The following PLCZ1 variants were observed in gnomAD, a reference collection of about 807,000 sequenced individuals.
PLCZ1 encodes 1-phosphatidylinositol 4,5-bisphosphate phosphodiesterase zeta-1.
In PLCZ1, 64 loss-of-function variants were observed where a neutral mutation model predicts 76.8. The ratio of observed to expected loss-of-function variants is 0.83; its 90% CI spans 0.68 to 1.03. The LOEUF (loss-of-function observed/expected upper bound fraction) is 1.03. PLCZ1 is among the 50% of genes least tolerant of loss of function. PLCZ1 has a pLI of 0.00. For synonymous variants in PLCZ1, 248 were observed against 230.8 expected (o/e 1.07, Z -0.68); for missense variants, 751 against 713.7 (o/e 1.05, Z -0.60).
intron 3 of PLCZ1, among the ~76,000 whole-genome samples, chr12:18,727,030 T>G (rs1422618699): frequency 6.6e-6 from 1 of 152,076 alleles, no homozygotes; most frequent in East Asian, 1.9e-4. Context: ...AAAGTAGGCA[T>G]GGAAGTATAC....
At chr12:18,736,993 C>G (rs775334404) in intron 2 of PLCZ1, among the ~76,000 whole-genome samples, 2 of 151,992 alleles carry the variant, frequency 1.3e-5, no homozygotes, top group Non-Finnish European at 2.9e-5. Context: ...AGATAAACTA[C>G]AAAAACTAGG....
At chr12:18,723,647 A>T in intron 3 of PLCZ1, 105 bp from the exon 4 acceptor site, 1 of 924,304 alleles carries the variant, frequency 1.1e-6, no homozygotes, top group Non-Finnish European at 1.7e-6. Flanking sequence ...TTGAAAGAAG[A>T]TGAAAATTAC....
At chr12:18,670,509 T>G in the PLCZ1 span, among the ~76,000 whole-genome samples, 1 of 152,212 alleles carries the variant, frequency 6.6e-6, no homozygotes, top group Non-Finnish European at 1.5e-5. Flanking sequence ...AACACAGTTC[T>G]TAACCTCTTT....
intron 7 of PLCZ1, among the ~76,000 whole-genome samples, chr12:18,702,494 A>C (rs944425486): frequency 6.6e-6 from 1 of 152,092 alleles, no homozygotes; most frequent in African/African-American, 2.4e-5. Flanking sequence ...TATAAAGTAA[A>C]GTTCTTTTCT....
chr12:18,688,091 T>G lies in PLCZ1; in HGVS notation c.1589A>C (p.Asn530Thr). 6.2e-7 allele frequency: 1 copy of G among 1,600,924 alleles called. No homozygotes were observed. Among genetic ancestry groups the G allele is most frequent in the Non-Finnish European group, 8.5e-7 (1 of 1,172,470 alleles). The change falls in exon 13 of 15, where the codon AAT becomes ACT. Residue 530 changes from asparagine to threonine, a missense_variant and splice_region_variant. Coordinates refer to ENST00000266505, the MANE Select transcript of PLCZ1 (RefSeq NM_033123.4). ...MKQQTRVIKK[N>T]AFSPRWNETF... ...AATAAGGTATATCAGGAGCTCACCA[T>G]TTTTTTTAATTACACGAGTCTGCTG... is the stretch of plus-strand genomic sequence containing the variant.
intron 12 of PLCZ1, among the ~76,000 whole-genome samples, chr12:18,692,064 T>C (rs941031342): frequency 6.6e-6 from 1 of 152,138 alleles, no homozygotes; most frequent in Non-Finnish European, 1.5e-5. Context: ...CCAGGAAAAG[T>C]CGCAGGAGAA....
the PLCZ1 span, among the ~76,000 whole-genome samples, chr12:18,654,678 A>T: frequency 2.0e-5 from 3 of 152,204 alleles, no homozygotes; most frequent in Non-Finnish European, 4.4e-5. Flanking sequence ...ATCAGACAAG[A>T]TGATTCCAGT....
At chr12:18,696,084 T>C (rs1954937701) in intron 11 of PLCZ1, 66 bp downstream of exon 11, 2 of 903,896 alleles carry the variant, frequency 2.2e-6, no homozygotes, top group East Asian at 2.8e-5. Flanking sequence ...GAGTTTTTCA[T>C]ACATTCATAA....
intron 3 of PLCZ1, 116 bp from the exon 4 acceptor site, chr12:18,723,658 A>G (rs1314344073): frequency 6.9e-6 from 6 of 865,474 alleles, no homozygotes; most frequent in Non-Finnish European, 9.1e-6. Flanking sequence ...TGAAAATTAC[A>G]TTGGATTCTT....
chr12:18,669,456 C>G, the PLCZ1 span, among the ~76,000 whole-genome samples: 3 of 152,160 alleles, frequency 2.0e-5, no homozygotes, highest in Non-Finnish European at 4.4e-5. Context: ...CTAAAAGATA[C>G]TGTCTTAATG....
downstream of PLCZ1, among the ~76,000 whole-genome samples, chr12:18,681,132 A>G (rs545982571): frequency 6.6e-6 from 1 of 152,120 alleles, no homozygotes; most frequent in South Asian, 2.1e-4. Context: ...TTTATTGTTC[A>G]ACAAGGAAAC....
At chr12:18,656,833 T>C in the PLCZ1 span, among the ~76,000 whole-genome samples, 1 of 152,136 alleles carries the variant, frequency 6.6e-6, no homozygotes, top group Non-Finnish European at 1.5e-5. Context: ...ACCAATCAAA[T>C]TTTGCAACAA....
rs774977664 is a variant in PLCZ1, at chr12:18,694,901, T to A, written c.1461+9A>T. Reference sequence around the variant, plus strand: ...CCAAAAAATGTAAAAGAAAATTTATTAATCTTACCCTTATTGTAAGTGTAA... The same window carrying A: ...CCAAAAAATGTAAAAGAAAATTTATAAATCTTACCCTTATTGTAAGTGTAA... On this transcript the variant is annotated intron_variant, in intron 12 of 14. Transcript: ENST00000266505. 6.4e-7 allele frequency: 1 copy of A among 1,569,624 alleles called. No homozygotes were observed. Among genetic ancestry groups the A allele is most frequent in the Admixed American group, 1.7e-5 (1 of 58,320 alleles).
chr12:18,647,882 T>A, the PLCZ1 span: 18 of 1,543,002 alleles, frequency 1.2e-5, no homozygotes, highest in Admixed American at 1.9e-4. Flanking sequence ...TTAGGTAGTA[T>A]ATGATGAAGT....
At chr12:18,650,191 C>A in the PLCZ1 span, among the ~76,000 whole-genome samples, 8 of 151,804 alleles carry the variant, frequency 5.3e-5, no homozygotes, top group African/African-American at 1.5e-4. Context: ...TATTAGGGTT[C>A]TTTTCCCCCA....
Position 18,723,498 on chromosome 12 carries a change from A to G in PLCZ1, c.180T>C (p.Phe60=). The part of the protein sequence containing the change: ...LKQGRITIEE[F]RAIYRIITHR... ...GCGTGATAATTCGATAAATTGCTCTAAATTCTTCTATGGTGATTCTTCCTT... is the reference window on the plus strand; with the variant it reads ...GCGTGATAATTCGATAAATTGCTCTGAATTCTTCTATGGTGATTCTTCCTT... The change falls in exon 4 of 15, where the codon TTT becomes TTC. Residue 60 remains phenylalanine (F), a synonymous_variant. Transcript: ENST00000266505. The G allele has an allele frequency of 6.2e-7, 1 of 1,612,854 alleles. No homozygotes were observed. The highest frequency in any genetic ancestry group is 2.2e-5 in the East Asian group (1 of 44,764).
the PLCZ1 span, among the ~76,000 whole-genome samples, chr12:18,659,663 C>CTT: frequency 0.045 from 6,085 of 133,772 alleles, 237 homozygotes; most frequent in African/African-American, 0.088. Context: ...GTTCTCCATT[C>CTT]TTTTTTTTTT....
At chr12:18,697,447 G>A (rs1457671757) in intron 10 of PLCZ1, among the ~76,000 whole-genome samples, 1 of 152,062 alleles carries the variant, frequency 6.6e-6, no homozygotes, top group Non-Finnish European at 1.5e-5. Context: ...ATACTCTTCT[G>A]AGTCTTAATG....
chr12:18,662,974 C>CAAA, the PLCZ1 span, among the ~76,000 whole-genome samples: 3 of 151,604 alleles, frequency 2.0e-5, no homozygotes, highest in African/African-American at 7.3e-5. Context: ...CATGTAGAAA[C>CAAA]CAAATAGAAA....
Sources: allele counts gnomAD v4.1 joint callset (sites outside exome capture counted in the v4.1 genomes callset), GRCh38; gene constraint gnomAD v4.1.1; transcripts MANE v1.5; gene names NCBI Gene and HGNC (gene_info 2026-07-23, HGNC 2026-07-21).